The following TMEM144 variants were observed in gnomAD, a reference collection of about 807,000 sequenced individuals.
TMEM144 encodes the protein transmembrane protein 144.
In TMEM144, 39 loss-of-function variants were observed where a neutral mutation model predicts 43.6. The observed-to-expected ratio is 0.90, with a 90% CI of 0.69 to 1.17. TMEM144 has a LOEUF of 1.17. Ranked by LOEUF, TMEM144 falls within the 50% of genes most tolerant of loss-of-function variation. TMEM144 has a pLI of 0.00. For synonymous variants in TMEM144, 154 were observed against 133.6 expected, an observed-to-expected ratio of 1.15 and a Z score of -1.06; for missense variants, 417 against 411.9, an observed-to-expected ratio of 1.01 and a Z score of -0.11.
rs759833316 is a variant in TMEM144 at position 158,237,581 on chromosome 4, T to A, written c.620T>A (p.Ile207Asn). Residue 207 changes from isoleucine to asparagine, a missense_variant, in exon 9 of 13, where the codon ATC becomes AAC. By Grantham distance (149) the Ile-to-Asn change is moderately radical. Transcript: ENST00000296529. ...GVLYGSTFVP[I>N]IYIKDHSKRN... Reference sequence around the variant, plus strand: ...CTCTATGGATCTACATTTGTGCCAATCATCTACATCAAGGACCACAGCAAA... The same window carrying A: ...CTCTATGGATCTACATTTGTGCCAAACATCTACATCAAGGACCACAGCAAA... 1 of 1,614,008 alleles carries A rather than the reference T, an allele frequency of 6.2e-7. No homozygotes were observed. The highest frequency in any genetic ancestry group is 1.1e-5 in the South Asian group (1 of 91,064).
At position 158,240,347 on chromosome 4, in the gene TMEM144, C is replaced by CT; in HGVS notation, c.732dup (p.Val245CysfsTer13). 1 of 1,613,908 alleles carries CT rather than the reference C, an allele frequency of 6.2e-7. No homozygotes were observed. Among genetic ancestry groups the CT allele is most frequent in the Non-Finnish European group, 8.5e-7 (1 of 1,179,914 alleles). On this transcript the variant is annotated frameshift_variant, in exon 10 of 13. Coordinates refer to ENST00000296529, the MANE Select transcript of TMEM144 (RefSeq NM_018342.5). LOFTEE classifies it high-confidence loss of function. ...TTCAGTGGCATCTTTCTTACAAGTACTGTCTACTTTCTGGCCTACTGCATA... is the reference window on the plus strand; with the variant it reads ...TTCAGTGGCATCTTTCTTACAAGTACTTGTCTACTTTCTGGCCTACTGCATA...
intron 2 of TMEM144, 116 bp from the exon 3 acceptor site, chr4:158,212,492 C>G: frequency 5.9e-6 from 3 of 506,528 alleles, no homozygotes; most frequent in Non-Finnish European, 1.0e-5. Flanking sequence ...GTGTAATATC[C>G]TATCTGCAAA....
intron 12 of TMEM144, among the ~76,000 whole-genome samples, chr4:158,252,435 C>T (rs768063289): frequency 2.0e-5 from 3 of 152,186 alleles, no homozygotes; most frequent in Non-Finnish European, 4.4e-5. Context: ...TCCATTCTGG[C>T]CCCTCCAATC....
chr4:158,218,883 T>C (rs919062336), intron 5 of TMEM144, among the ~76,000 whole-genome samples: 2 of 152,156 alleles, frequency 1.3e-5, no homozygotes, highest in Admixed American at 1.3e-4. Flanking sequence ...TCTCAGCACT[T>C]TGGGAGATCG....
chr4:158,241,723 A>C, intron 11 of TMEM144, 117 bp downstream of exon 11: 1 of 714,640 alleles, frequency 1.4e-6, no homozygotes, highest in Non-Finnish European at 2.4e-6. Context: ...TTAGGAATAC[A>C]ATTAATGGAT....
chr4:158,226,340 T>C (rs957615230), intron 6 of TMEM144, among the ~76,000 whole-genome samples: 2 of 152,318 alleles, frequency 1.3e-5, no homozygotes. Context: ...TTTAATCTTT[T>C]ATAATTTTTG....
At chr4:158,248,161 G>A (rs1013293331) in intron 12 of TMEM144, among the ~76,000 whole-genome samples, 4 of 150,298 alleles carry the variant, frequency 2.7e-5, no homozygotes, top group African/African-American at 4.9e-5. Context: ...GGCCAGGCAT[G>A]GTGGCTTATG....
chr4:158,217,752 G>A (rs180762307), intron 5 of TMEM144, among the ~76,000 whole-genome samples: 5 of 152,212 alleles, frequency 3.3e-5, no homozygotes, highest in South Asian at 4.1e-4. Flanking sequence ...TCACAAATAC[G>A]TGAGGTAAGC....
At position 158,212,908 on chromosome 4, in the gene TMEM144, A is replaced by G. The variant is rs755012096; in HGVS notation, c.109+132A>G. 21 of 768,092 alleles carry G rather than the reference A, an allele frequency of 2.7e-5. No homozygotes were observed. In the African/African-American group the frequency reaches 3.5e-4, roughly 13 times the overall value. 47.6% of individuals were successfully genotyped at this position (768,092 alleles called of 1,614,324 possible). A position where few individuals can be genotyped will look rare whatever the true frequency, so the allele number is the denominator to read the frequency against. On this transcript the variant is annotated intron_variant, in intron 3 of 12. Transcript: ENST00000296529. ...TACCTAGTGAATAGAGCTTAAAATT[A>G]GTCATTTGACAGTGCTCATACCAGT... is the stretch of plus-strand genomic sequence containing the variant.
chr4:158,250,195 CATATATATATATATATATATATAT>C (rs5863314), intron 12 of TMEM144, among the ~76,000 whole-genome samples: 1 of 135,540 alleles, frequency 7.4e-6, no homozygotes, highest in Admixed American at 7.4e-5. Flanking sequence ...TAATACATAA[CATATATATATATATATATATATAT>C]ATATATATAT....
At chr4:158,249,126 C>T (rs951674071) in intron 12 of TMEM144, among the ~76,000 whole-genome samples, 4 of 152,134 alleles carry the variant, frequency 2.6e-5, no homozygotes, top group Non-Finnish European at 4.4e-5. Context: ...AGGCTTGTCT[C>T]GAACTCCTGA....
At chr4:158,230,566 T>C (rs1382967851) in intron 6 of TMEM144, among the ~76,000 whole-genome samples, 1 of 151,956 alleles carries the variant, frequency 6.6e-6, no homozygotes, top group East Asian at 1.9e-4. Context: ...CCAATTGATG[T>C]CTAATATTAA....
intron 5 of TMEM144, 25 bp downstream of exon 5, chr4:158,217,445 C>T: frequency 8.1e-6 from 12 of 1,475,194 alleles, no homozygotes; most frequent in Non-Finnish European, 1.1e-5. Flanking sequence ...ACTAGTTCAA[C>T]TAAGATTTCC....
In TMEM144 at chr4:158,232,823, G is replaced by A. The variant is rs770601433; in HGVS notation, c.414-78G>A. On this transcript the variant is annotated intron_variant, in intron 6 of 12. Transcript: ENST00000296529. ...TAGGATCCGATTATTTAAGGTGTGT[G>A]TTTTTTTCTTAAAAATCAAGCAGCT... The A allele has an allele frequency of 7.1e-5, 70 of 990,116 alleles. No individual in the cohort carries two copies. The Middle Eastern group carries it at 1.9e-3, about 26-fold the overall frequency. 61.3% of individuals were successfully genotyped at this position (990,116 alleles called of 1,614,324 possible).
rs115426381 is a variant in TMEM144 at position 158,216,299 on chromosome 4, T to C, written c.232+986T>C. On this transcript the variant is annotated intron_variant, in intron 4 of 12. Coordinates refer to ENST00000296529, the MANE Select transcript of TMEM144 (RefSeq NM_018342.5). ...ATGTTGCAGATGTGGATGCTATAGG[T>C]TGGAGCAACTGATAGCATATAGGAC... Among the ~76,000 whole-genome samples the C allele has an allele frequency of 8.2e-3, 1,244 of 152,264 alleles. 7 individuals are homozygous for C. Among genetic ancestry groups the C allele is most frequent in the Middle Eastern group, 0.017 (5 of 294 alleles).
At chr4:158,223,183 C>T (rs776773992) in intron 6 of TMEM144, among the ~76,000 whole-genome samples, 1 of 152,160 alleles carries the variant, frequency 6.6e-6, no homozygotes, top group Non-Finnish European at 1.5e-5. Flanking sequence ...CTCAGCACCC[C>T]GTCACCTATC....
At chr4:158,252,890 T>A (rs987868345) in intron 12 of TMEM144, among the ~76,000 whole-genome samples, 1 of 151,910 alleles carries the variant, frequency 6.6e-6, no homozygotes, top group Non-Finnish European at 1.5e-5. Context: ...TCCAACCTCA[T>A]CTTGCTCCAC....
chr4:158,241,230 CT>C (rs1263961440), intron 10 of TMEM144, among the ~76,000 whole-genome samples: 1 of 152,010 alleles, frequency 6.6e-6, no homozygotes, highest in Non-Finnish European at 1.5e-5. Flanking sequence ...AGTATGTCCC[CT>C]AGTCCCCTTT....
At chr4:158,213,192 T>TACG in intron 3 of TMEM144, 2 of 199,492 alleles carry the variant, frequency 1.0e-5, no homozygotes, top group South Asian at 2.4e-4. Flanking sequence ...AGACTGCACC[T>TACG]AGATGAATAA....
Sources: allele counts gnomAD v4.1 joint callset (sites outside exome capture counted in the v4.1 genomes callset), GRCh38; gene constraint gnomAD v4.1.1; transcripts MANE v1.5; gene names NCBI Gene and HGNC (gene_info 2026-07-23, HGNC 2026-07-21).